The following RGS7 variants were observed in gnomAD, a reference collection of about 807,000 sequenced individuals.
RGS7 encodes the protein regulator of G protein signaling 7, also known as regulator of G-protein signaling 7.
Under a neutral mutation model 81.1 loss-of-function variants are expected in RGS7, and 27 were observed. The observed-to-expected ratio is 0.33, with a 90% confidence interval of 0.25 to 0.46. RGS7 has a LOEUF of 0.46. Among genes scored for constraint, RGS7 ranks in the 20% least tolerant of loss-of-function variants. The pLI, the probability that RGS7 is intolerant of heterozygous loss-of-function variation, is 1.00. For synonymous variants in RGS7, 208 were observed against 207.7 expected, an observed-to-expected ratio of 1.00 and a Z score of -0.01; for missense variants, 396 against 607.4, an observed-to-expected ratio of 0.65 and a Z score of 3.66.
chr1:240,813,509 A>C (rs1239915785), intron 13 of RGS7, 109 bp downstream of exon 13: 3 of 739,692 alleles, frequency 4.1e-6, no homozygotes, highest in Non-Finnish European at 7.4e-6. Context: ...GCCAATGTAG[A>C]TAAAGAACAA....
At chr1:240,855,361 AAATTTCTTATCC>A (rs1461281356) in intron 9 of RGS7, among the ~76,000 whole-genome samples, 2 of 147,580 alleles carry the variant, frequency 1.4e-5, no homozygotes, top group Non-Finnish European at 3.0e-5. Flanking sequence ...GAAATTATCT[AAATTTCTTATCC>A]AATTTCTTAT....
intron 2 of RGS7, among the ~76,000 whole-genome samples, chr1:241,145,302 T>A (rs1558126235): frequency 6.6e-6 from 1 of 152,092 alleles, no homozygotes. Flanking sequence ...AGAAATGTTT[T>A]ATATACCTAT....
At chr1:241,278,959 AC>A in intron 2 of RGS7, among the ~76,000 whole-genome samples, 1 of 152,102 alleles carries the variant, frequency 6.6e-6, no homozygotes, top group Middle Eastern at 3.4e-3. Context: ...CCTTTACTCC[AC>A]CATAAAAGGA....
intron 15 of RGS7, among the ~76,000 whole-genome samples, chr1:240,805,034 T>G (rs10926355): frequency 0.52 from 78,896 of 152,032 alleles, 23,233 homozygotes; most frequent in Non-Finnish European, 0.66. Flanking sequence ...AAAAGAAGTT[T>G]AAGAAGTTAT....
At chr1:240,822,790 C>T (rs1362146058) in intron 10 of RGS7, among the ~76,000 whole-genome samples, 1 of 152,046 alleles carries the variant, frequency 6.6e-6, no homozygotes, top group African/African-American at 2.4e-5. Flanking sequence ...CTTTTTAGTG[C>T]TATGATACGA....
chr1:241,244,413 A>C (rs1239536127), intron 2 of RGS7, among the ~76,000 whole-genome samples: 1 of 152,238 alleles, frequency 6.6e-6, no homozygotes, highest in Non-Finnish European at 1.5e-5. Context: ...GTGAGATATC[A>C]TCTCACCAGT....
At chr1:241,232,829 G>A (rs2075742415) in intron 2 of RGS7, among the ~76,000 whole-genome samples, 1 of 152,036 alleles carries the variant, frequency 6.6e-6, no homozygotes, top group Non-Finnish European at 1.5e-5. Context: ...TCACATCCAT[G>A]TTTGTAGTTT....
intron 2 of RGS7, among the ~76,000 whole-genome samples, chr1:241,316,880 A>T (rs1235569966): frequency 1.3e-5 from 2 of 152,238 alleles, no homozygotes; most frequent in African/African-American, 2.4e-5. Context: ...GCTGAATCAG[A>T]TCATTTAATA....
chr1:241,047,690 A>G (rs2061006622), intron 3 of RGS7, among the ~76,000 whole-genome samples: 1 of 147,920 alleles, frequency 6.8e-6, no homozygotes, highest in Non-Finnish European at 1.5e-5. Context: ...CATTGCAACC[A>G]TGCACTATTC....
At chr1:241,059,236 T>C (rs1421784070) in intron 3 of RGS7, among the ~76,000 whole-genome samples, 1 of 152,172 alleles carries the variant, frequency 6.6e-6, no homozygotes, top group African/African-American at 2.4e-5. Context: ...TCTTCTCGCT[T>C]TCCACACTAT....
At chr1:241,216,565 T>G (rs1051104189) in intron 2 of RGS7, among the ~76,000 whole-genome samples, 11 of 152,332 alleles carry the variant, frequency 7.2e-5, no homozygotes, top group African/African-American at 2.6e-4. Flanking sequence ...TATGGTTTTC[T>G]TTGCATTACT....
At chr1:240,894,494 G>A (rs35659082) in intron 6 of RGS7, among the ~76,000 whole-genome samples, 19,386 of 151,298 alleles carry the variant, frequency 0.13, 1,350 homozygotes, top group Middle Eastern at 0.18. Context: ...ATCTCCTTAT[G>A]CAACTGTGCA....
chr1:240,795,656 G>A (rs983234506), intron 18 of RGS7, among the ~76,000 whole-genome samples: 4 of 152,094 alleles, frequency 2.6e-5, no homozygotes, highest in South Asian at 2.1e-4. Context: ...CAACCCAAAC[G>A]TCCATTAATA....
intron 2 of RGS7, among the ~76,000 whole-genome samples, chr1:241,308,656 A>G (rs2080317981): frequency 6.6e-6 from 1 of 152,098 alleles, no homozygotes; most frequent in Non-Finnish European, 1.5e-5. Context: ...AGTAGATTTT[A>G]CCATGAGTCT....
chr1:241,181,259 T>A (rs751854876), intron 2 of RGS7, among the ~76,000 whole-genome samples: 1 of 152,160 alleles, frequency 6.6e-6, no homozygotes, highest in Non-Finnish European at 1.5e-5. Context: ...AAAGTGTACC[T>A]CTCTGGTGGA....
At position 241,272,302 on chromosome 1, in the gene RGS7, G is replaced by A. The variant is rs201593860; in HGVS notation, c.78+83397C>T. The stretch of plus-strand genomic sequence containing the variant: ...GCCACTGTGCCCGGCCTGACTACTA[G>A]AATTTCTTATAATGGCCTACCCAAG... On this transcript the variant is annotated intron_variant, in intron 2 of 18. Transcript: ENST00000440928. 9.2e-5 allele frequency among the ~76,000 whole-genome samples: 14 copies of A among 152,134 alleles called. No individual in the cohort carries two copies. The East Asian group carries it at 2.7e-3, about 30-fold the overall frequency.
intron 2 of RGS7, among the ~76,000 whole-genome samples, chr1:241,148,048 TTTC>T (rs1480659599): frequency 2.4e-5 from 3 of 124,220 alleles, no homozygotes; most frequent in Non-Finnish European, 1.8e-5. Flanking sequence ...TTCTTTTCTT[TTTC>T]TTTTTTTTTT....
At chr1:241,285,460 G>A (rs969868825) in intron 2 of RGS7, among the ~76,000 whole-genome samples, 2 of 152,136 alleles carry the variant, frequency 1.3e-5, no homozygotes, top group Non-Finnish European at 2.9e-5. Context: ...ATCTAATAGA[G>A]GACGCTATTC....
chr1:240,927,071 TTTTG>T (rs142032063), intron 6 of RGS7, among the ~76,000 whole-genome samples: 4,005 of 150,640 alleles, frequency 0.027, 169 homozygotes, highest in African/African-American at 0.089. Context: ...TTTTGTTTTG[TTTTG>T]TTTGTTTGTT....
Sources: gnomAD v4.1 joint callset for allele counts (sites outside exome capture counted in the v4.1 genomes callset) on GRCh38, gnomAD v4.1.1 for gene constraint, MANE v1.5 for transcripts, NCBI Gene and HGNC (gene_info 2026-07-23, HGNC 2026-07-21) for gene names.